PARD3: variants seen among roughly 807,000 people sequenced by gnomAD.
The protein encoded by PARD3 is par-3 family cell polarity regulator, also known as partitioning defective 3 homolog.
Under a neutral mutation model 155.4 loss-of-function variants are expected in PARD3, and 75 were observed. The ratio of observed to expected loss-of-function variants is 0.48; its 90% CI spans 0.40 to 0.58. PARD3 has a LOEUF of 0.58. Among genes scored for constraint, PARD3 ranks in the 20% least tolerant of loss-of-function variants. PARD3 has a pLI of 0.00. For synonymous variants in PARD3, 576 were observed against 610.5 expected (o/e 0.94, Z 0.83); for missense variants, 1,642 against 1,721.7 (o/e 0.95, Z 0.82).
intron 3 of PARD3, among the ~76,000 whole-genome samples, chr10:34,516,757 C>T (rs1040027923): frequency 2.0e-5 from 3 of 152,132 alleles, no homozygotes; most frequent in Middle Eastern, 3.2e-3. Context: ...TTACAGTTAG[C>T]GAGTCACGGA....
rs931762812 is a variant in PARD3, at chr10:34,685,653, G to A, written c.222+10665C>T. On this transcript the variant is annotated intron_variant, in intron 2 of 24. Transcript: ENST00000374788. ...TTGTCGCCCAGGCTGGAGTGCAGTGGGGCAATCTCGGCTCACTACAACCTC... is the reference window on the plus strand; with the variant it reads ...TTGTCGCCCAGGCTGGAGTGCAGTGAGGCAATCTCGGCTCACTACAACCTC... 5.7e-4 allele frequency among the ~76,000 whole-genome samples: 87 copies of A among 151,502 alleles called. 2 individuals are homozygous for A. The highest frequency in any genetic ancestry group is 1.1e-3 in the Non-Finnish European group (78 of 67,898).
At position 34,512,508 on chromosome 10, in the gene PARD3, C is replaced by G. The variant is rs1229186264; in HGVS notation, c.403+4471G>C. ...ATGACAGGATGATCCAGGATGATCC[C>G]ATACATTTCCTGTACAGGCTTGCAT... On this transcript the variant is annotated intron_variant, in intron 3 of 24. Transcript: ENST00000374788. Among the ~76,000 whole-genome samples, 4 of 152,154 alleles carry G rather than the reference C, an allele frequency of 2.6e-5. No individual in the cohort carries two copies. In the East Asian group the frequency reaches 7.7e-4, roughly 29 times the overall value.
chr10:34,814,987 C>A lies in PARD3; in HGVS notation c.9G>T (p.Val3=). The change falls in exon 1 of 25, where the codon GTG becomes GTT. Residue 3 remains valine, a synonymous_variant. Coordinates refer to ENST00000374788, the MANE Select transcript of PARD3 (RefSeq NM_001184785.2). ...CCCGGGTCCGTCCGAAGCACACGGTCACTTTCATGCCGCCGCCGCCGCGGG... is the reference window on the plus strand; with the variant it reads ...CCCGGGTCCGTCCGAAGCACACGGTAACTTTCATGCCGCCGCCGCCGCGGG... MK[V]TVCFGRTRVV... is the part of the protein sequence containing the mutation. 6.6e-7 allele frequency: 1 copy of A among 1,507,418 alleles called. No individual in the cohort carries two copies. The highest frequency in any genetic ancestry group is 1.2e-5 in the South Asian group (1 of 80,024). The allele number at this position is 1,507,418 out of a possible 1,614,324, so 93.4% of individuals were successfully genotyped here.
At chr10:34,726,175 G>T (rs534842087) in intron 1 of PARD3, among the ~76,000 whole-genome samples, 6 of 152,270 alleles carry the variant, frequency 3.9e-5, no homozygotes, top group Non-Finnish European at 8.8e-5. Flanking sequence ...AAAAGCTTTG[G>T]CCAGGCACGA....
At chr10:34,527,650 T>C (rs1268535930) in intron 2 of PARD3, among the ~76,000 whole-genome samples, 2 of 152,156 alleles carry the variant, frequency 1.3e-5, no homozygotes, top group East Asian at 3.8e-4. Context: ...CAGGTGAAAA[T>C]GACACACAAT....
intron 22 of PARD3, among the ~76,000 whole-genome samples, chr10:34,227,961 G>A (rs1280425016): frequency 2.0e-5 from 3 of 147,214 alleles, no homozygotes; most frequent in African/African-American, 5.0e-5. Flanking sequence ...ACACATGCAC[G>A]CCTATGTTTA....
At chr10:34,200,406 AC>A (rs1457624120) in intron 22 of PARD3, among the ~76,000 whole-genome samples, 1 of 152,130 alleles carries the variant, frequency 6.6e-6, no homozygotes, top group Non-Finnish European at 1.5e-5. Flanking sequence ...GCCCAATGGA[AC>A]TTTTGCCAAA....
intron 22 of PARD3, among the ~76,000 whole-genome samples, chr10:34,261,888 G>C (rs910737805): frequency 6.6e-6 from 1 of 152,150 alleles, no homozygotes; most frequent in Non-Finnish European, 1.5e-5. Flanking sequence ...TATGACACCT[G>C]CAAGATGACC....
intron 1 of PARD3, among the ~76,000 whole-genome samples, chr10:34,730,822 C>T (rs751498245): frequency 5.9e-5 from 9 of 152,146 alleles, no homozygotes; most frequent in African/African-American, 2.2e-4. Context: ...ATTTGAAAAA[C>T]GTACTCCATT....
chr10:34,805,570 C>A (rs1372705083), intron 1 of PARD3, among the ~76,000 whole-genome samples: 2 of 102,956 alleles, frequency 1.9e-5, no homozygotes, highest in Non-Finnish European at 5.1e-5. Flanking sequence ...TATATATACA[C>A]CGTACAGTTC....
At chr10:34,713,516 T>C (rs184672527) in intron 1 of PARD3, among the ~76,000 whole-genome samples, 61 of 152,056 alleles carry the variant, frequency 4.0e-4, no homozygotes, top group Admixed American at 3.5e-3. Flanking sequence ...CCAGAACACT[T>C]TGGGAGGCCA....
intron 20 of PARD3, among the ~76,000 whole-genome samples, chr10:34,301,239 A>G (rs1957133256): frequency 6.6e-6 from 1 of 152,176 alleles, no homozygotes; most frequent in South Asian, 2.1e-4. Context: ...GTGCTGGGTA[A>G]CCCTTCAAAA....
intron 19 of PARD3, among the ~76,000 whole-genome samples, chr10:34,318,761 T>C (rs114612158): frequency 6.6e-6 from 1 of 151,962 alleles, no homozygotes; most frequent in East Asian, 1.9e-4. Flanking sequence ...AGCTCAGAAT[T>C]TTTTTATTTT....
chr10:34,794,277 A>T (rs1842003932), intron 1 of PARD3, among the ~76,000 whole-genome samples: 1 of 152,196 alleles, frequency 6.6e-6, no homozygotes. Flanking sequence ...TAGACTTTTT[A>T]ATCTACTACA....
intron 1 of PARD3, among the ~76,000 whole-genome samples, chr10:34,715,367 G>C (rs997913712): frequency 6.6e-6 from 1 of 152,080 alleles, no homozygotes; most frequent in South Asian, 2.1e-4. Flanking sequence ...CCGGCCCTGT[G>C]CATCAACTTT....
At chr10:34,172,037 T>C (rs945976225) in intron 22 of PARD3, among the ~76,000 whole-genome samples, 10 of 151,264 alleles carry the variant, frequency 6.6e-5, no homozygotes, top group Non-Finnish European at 1.2e-4. Context: ...CAGTGACTTC[T>C]TCCCATTTCT....
intron 20 of PARD3, among the ~76,000 whole-genome samples, chr10:34,302,591 T>C (rs1957206205): frequency 1.3e-5 from 2 of 152,182 alleles, no homozygotes; most frequent in Admixed American, 6.5e-5. Context: ...TCCATCACAC[T>C]GAGAAGGGCA....
At chr10:34,784,122 G>T (rs1407604283) in intron 1 of PARD3, among the ~76,000 whole-genome samples, 3 of 152,016 alleles carry the variant, frequency 2.0e-5, no homozygotes, top group African/African-American at 7.2e-5. Flanking sequence ...GAGGCAGGAG[G>T]ATTGCTAGAG....
chr10:34,516,958 G>A (rs1455544884), intron 3 of PARD3, 21 bp downstream of exon 3: 2 of 1,606,578 alleles, frequency 1.2e-6, no homozygotes, highest in Non-Finnish European at 8.5e-7. Flanking sequence ...AAATGGAAGA[G>A]AAGAAAGAGC....
Sources: gnomAD v4.1 joint callset for allele counts (sites outside exome capture counted in the v4.1 genomes callset) on GRCh38, gnomAD v4.1.1 for gene constraint, MANE v1.5 for transcripts, NCBI Gene and HGNC (gene_info 2026-07-23, HGNC 2026-07-21) for gene names.